DNAH5: variants seen among roughly 807,000 people sequenced by gnomAD.
The protein encoded by DNAH5 is axonemal beta dynein heavy chain 5.
In DNAH5, 372 loss-of-function variants were observed where a neutral mutation model predicts 518.2. The ratio of observed to expected loss-of-function variants is 0.72; its 90% CI spans 0.66 to 0.78. The LOEUF is 0.78. Ranked by LOEUF, DNAH5 falls within the 30% of genes least tolerant of loss-of-function variation. The pLI is 0.00. For missense variants in DNAH5, 5,523 were observed against 5,687.0 expected (o/e 0.97, Z 0.93); for synonymous variants, 2,039 against 2,025.9 (o/e 1.01, Z -0.17).
intron 78 of DNAH5, 75 bp downstream of exon 78, chr5:13,700,565 A>G (rs1741958783): frequency 7.2e-7 from 1 of 1,392,994 alleles, no homozygotes; most frequent in African/African-American, 1.4e-5. Flanking sequence ...GATAACAAAA[A>G]TAATGAAATC....
chr5:13,765,942 T>C (rs754270762), intron 59 of DNAH5, 34 bp downstream of exon 59: 1 of 1,599,628 alleles, frequency 6.3e-7, no homozygotes, highest in Non-Finnish European at 8.6e-7. Flanking sequence ...GAAGAATGAG[T>C]TCCCTCTTAG....
chr5:13,703,143 C>G (rs141788545), intron 76 of DNAH5, among the ~76,000 whole-genome samples: 13 of 152,160 alleles, frequency 8.5e-5, no homozygotes, highest in African/African-American at 3.1e-4. Flanking sequence ...CTGAAGTCTG[C>G]CCCCCACCCC....
intron 58 of DNAH5, among the ~76,000 whole-genome samples, chr5:13,767,849 A>AT (rs1752722926): frequency 6.6e-6 from 1 of 152,156 alleles, no homozygotes; most frequent in Non-Finnish European, 1.5e-5. Context: ...GGTATTTTTT[A>AT]TTTTTGCTCT....
At chr5:13,771,428 A>G (rs1326581950) in intron 55 of DNAH5, 1 of 176,966 alleles carries the variant, frequency 5.7e-6, no homozygotes, top group African/African-American at 2.4e-5. Flanking sequence ...TGGCATGTGG[A>G]AACGCTCATC....
chr5:13,892,475 A>G (rs1411297479), intron 16 of DNAH5, among the ~76,000 whole-genome samples: 2 of 152,232 alleles, frequency 1.3e-5, no homozygotes, highest in East Asian at 3.8e-4. Flanking sequence ...TACTAATCCA[A>G]TTAAAATCCA....
intron 65 of DNAH5, among the ~76,000 whole-genome samples, chr5:13,745,285 CCTT>C (rs1412700961): frequency 4.6e-5 from 7 of 152,006 alleles, no homozygotes; most frequent in African/African-American, 1.7e-4. Context: ...AGATACATCA[CCTT>C]CTGGTAATAG....
chr5:13,810,291 CTT>C, intron 44 of DNAH5, 31 bp from the exon 45 acceptor site: 1 of 1,541,976 alleles, frequency 6.5e-7, no homozygotes, highest in Non-Finnish European at 8.8e-7. Flanking sequence ...TTTTTAATAA[CTT>C]GATTCTGAAA....
Position 13,893,878 on chromosome 5 carries a change from G to A in DNAH5, c.2431+772C>T, listed in dbSNP as rs370903332. On this transcript the variant is annotated intron_variant, in intron 16 of 78. Coordinates refer to ENST00000265104, the MANE Select transcript of DNAH5 (RefSeq NM_001369.3). ...GCAGAGGAGAGGGTGTAAGACACTG[G>A]CTAGGAGAGGACAATAGCAATGTCT... 6.9e-4 allele frequency among the ~76,000 whole-genome samples: 103 copies of A among 150,230 alleles called. 2 individuals are homozygous for A. In the South Asian group the frequency reaches 0.018, roughly 27 times the overall value.
chr5:13,921,436 GTC>G (rs146530328), intron 5 of DNAH5, among the ~76,000 whole-genome samples: 104 of 125,082 alleles, frequency 8.3e-4, no homozygotes, highest in Admixed American at 1.7e-3. Flanking sequence ...CTCTCTCTCT[GTC>G]TCTCTCTCTC....
intron 42 of DNAH5, among the ~76,000 whole-genome samples, chr5:13,816,276 C>A (rs146573727): frequency 3.4e-4 from 52 of 152,318 alleles, no homozygotes; most frequent in Non-Finnish European, 5.7e-4. Flanking sequence ...GATTGCTCAA[C>A]AAGAATGTCA....
chr5:13,802,712 C>A (rs897043200), intron 47 of DNAH5, among the ~76,000 whole-genome samples: 1 of 152,142 alleles, frequency 6.6e-6, no homozygotes, highest in Non-Finnish European at 1.5e-5. Flanking sequence ...ACAACATTCA[C>A]GCAATCATCT....
intron 1 of DNAH5, among the ~76,000 whole-genome samples, chr5:14,001,415 G>C (rs947573016): frequency 2.0e-5 from 3 of 152,160 alleles, no homozygotes; most frequent in Admixed American, 6.5e-5. Context: ...CCAGACTGGA[G>C]TGCAGTGGTG....
At chr5:13,740,278 A>G (rs1164876958) in intron 65 of DNAH5, among the ~76,000 whole-genome samples, 3 of 151,966 alleles carry the variant, frequency 2.0e-5, no homozygotes, top group Non-Finnish European at 4.4e-5. Context: ...AGGTCTCCCT[A>G]CCCCAGCCTT....
intron 40 of DNAH5, 80 bp downstream of exon 40, chr5:13,823,183 A>T: frequency 1.1e-6 from 1 of 949,708 alleles, no homozygotes; most frequent in Non-Finnish European, 1.7e-6. Context: ...CATAGGTTGG[A>T]GCCACAGCAG....
At chr5:13,833,420 C>G (rs1249712066) in intron 35 of DNAH5, among the ~76,000 whole-genome samples, 2 of 136,032 alleles carry the variant, frequency 1.5e-5, no homozygotes, top group African/African-American at 5.8e-5. Flanking sequence ...GCCTGGGCAA[C>G]AGAGTGAGTG....
chr5:13,981,124 C>T (rs888772428), intron 1 of DNAH5, among the ~76,000 whole-genome samples: 1 of 152,180 alleles, frequency 6.6e-6, no homozygotes, highest in African/African-American at 2.4e-5. Flanking sequence ...TACATATTAT[C>T]CCCACTAGAA....
intron 15 of DNAH5, chr5:13,898,386 T>C (rs1774171548): frequency 5.1e-6 from 2 of 395,888 alleles, no homozygotes; most frequent in Admixed American, 4.4e-5. Flanking sequence ...TTTATGAATA[T>C]GTAAATTGAC....
intron 22 of DNAH5, among the ~76,000 whole-genome samples, chr5:13,874,298 C>T (rs1770555190): frequency 6.6e-6 from 1 of 152,140 alleles, no homozygotes; most frequent in African/African-American, 2.4e-5. Flanking sequence ...AGCTCTCTCA[C>T]CACCCAAGCT....
At chr5:13,742,840 G>T (rs551486319) in intron 65 of DNAH5, among the ~76,000 whole-genome samples, 1 of 152,052 alleles carries the variant, frequency 6.6e-6, no homozygotes, top group East Asian at 1.9e-4. Flanking sequence ...AATCCCAAAA[G>T]CAATCTGTAT....
Sources: allele counts gnomAD v4.1 joint callset (sites outside exome capture counted in the v4.1 genomes callset), GRCh38; gene constraint gnomAD v4.1.1; transcripts MANE v1.5; gene names NCBI Gene and HGNC (gene_info 2026-07-23, HGNC 2026-07-21).